The following CNTNAP5 variants were observed in gnomAD, a reference collection of about 807,000 sequenced individuals.
CNTNAP5 encodes contactin-associated protein-like 5.
In CNTNAP5, 72 loss-of-function variants were observed where a neutral mutation model predicts 150.2. That is an observed-to-expected ratio of 0.48 (90% CI 0.40 to 0.58). CNTNAP5 has a LOEUF of 0.58. Among genes scored for constraint, CNTNAP5 ranks in the 20% least tolerant of loss-of-function variants. The pLI is 0.00. For missense variants in CNTNAP5, 1,636 were observed against 1,626.2 expected (o/e 1.01, Z -0.10); for synonymous variants, 672 against 619.8 (o/e 1.08, Z -1.25).
chr2:124,446,850 G>C lies in CNTNAP5; in HGVS notation c.831G>C (p.Val277=). Residue 277 remains valine (V), a synonymous_variant, in exon 6 of 24, where the codon GTG becomes GTC. Transcript: ENST00000682447. ...QHWHSVLIER[V]GKQVNFTVDK... Reference sequence around the variant, plus strand: ...GGCACTCGGTCCTCATTGAGCGGGTGGGCAAGCAGGTGAACTTCACGGTGG... The same window carrying C: ...GGCACTCGGTCCTCATTGAGCGGGTCGGCAAGCAGGTGAACTTCACGGTGG... The C allele has an allele frequency of 6.2e-7, 1 of 1,613,890 alleles. No homozygotes were observed. The highest frequency in any genetic ancestry group is 8.5e-7 in the Non-Finnish European group (1 of 1,179,854).
chr2:124,035,453 C>G (rs975849546), intron 1 of CNTNAP5, among the ~76,000 whole-genome samples: 8 of 151,976 alleles, frequency 5.3e-5, no homozygotes, highest in Non-Finnish European at 1.2e-4. Context: ...TTCCCTCACT[C>G]TTCCTGTTGC....
At chr2:124,105,302 T>C (rs961979153) in intron 1 of CNTNAP5, among the ~76,000 whole-genome samples, 1 of 152,206 alleles carries the variant, frequency 6.6e-6, no homozygotes, top group Non-Finnish European at 1.5e-5. Context: ...TTGCAGTAAA[T>C]AACTTTGCAT....
intron 8 of CNTNAP5, among the ~76,000 whole-genome samples, chr2:124,513,493 C>T (rs1478063752): frequency 6.6e-6 from 1 of 152,152 alleles, no homozygotes; most frequent in African/African-American, 2.4e-5. Context: ...AGAATGTAAG[C>T]AACCATGGAA....
In CNTNAP5 at chr2:124,719,298, T is replaced by C. The variant is rs34144885; in HGVS notation, c.2078-27931T>C. Among the ~76,000 whole-genome samples, 699 of 152,336 alleles carry C rather than the reference T, an allele frequency of 4.6e-3. 19 individuals are homozygous for C. Among genetic ancestry groups the C allele is most frequent in the Admixed American group, 0.033 (499 of 15,296 alleles). On this transcript the variant is annotated intron_variant, in intron 13 of 23. Coordinates refer to ENST00000682447, the MANE Select transcript of CNTNAP5 (RefSeq NM_001367498.1). ...CAGCAAATAATTCATGTTTAAGAAA[T>C]GTTTAATTCCTCATTGTCTCTTGTA...
chr2:124,638,864 A>G (rs758172138), intron 12 of CNTNAP5, among the ~76,000 whole-genome samples: 1 of 152,228 alleles, frequency 6.6e-6, no homozygotes, highest in South Asian at 2.1e-4. Flanking sequence ...TGTATTATTT[A>G]TTATGGCTGC....
At chr2:124,279,241 G>C (rs754028044) in intron 3 of CNTNAP5, among the ~76,000 whole-genome samples, 21 of 151,328 alleles carry the variant, frequency 1.4e-4, no homozygotes, top group Non-Finnish European at 2.8e-4. Flanking sequence ...GTGTGTGTGT[G>C]TGTGTGTCTG....
chr2:124,786,987 T>C (rs1454028333), intron 17 of CNTNAP5, among the ~76,000 whole-genome samples: 2 of 152,178 alleles, frequency 1.3e-5, no homozygotes, highest in East Asian at 3.9e-4. Flanking sequence ...GCATCTGTAA[T>C]TGAAATAATC....
intron 13 of CNTNAP5, among the ~76,000 whole-genome samples, chr2:124,663,156 T>C (rs1678627379): frequency 6.6e-6 from 1 of 152,180 alleles, no homozygotes; most frequent in Non-Finnish European, 1.5e-5. Flanking sequence ...TCTGTAACTG[T>C]AGGATTACAC....
intron 13 of CNTNAP5, among the ~76,000 whole-genome samples, chr2:124,722,639 G>A (rs1680071334): frequency 6.6e-6 from 1 of 152,140 alleles, no homozygotes; most frequent in Admixed American, 6.6e-5. Context: ...TTCCTGGGTG[G>A]TAGCCCCATC....
intron 1 of CNTNAP5, among the ~76,000 whole-genome samples, chr2:124,119,675 A>G (rs1461596740): frequency 6.6e-6 from 1 of 152,190 alleles, no homozygotes; most frequent in African/African-American, 2.4e-5. Flanking sequence ...TGAGAGACCT[A>G]GGAGGGATGA....
chr2:124,797,624 G>C (rs555221358), intron 18 of CNTNAP5, among the ~76,000 whole-genome samples: 60 of 152,296 alleles, frequency 3.9e-4, no homozygotes, highest in African/African-American at 1.3e-3. Flanking sequence ...GTCTTGCTCT[G>C]TATTTAGAGA....
intron 11 of CNTNAP5, among the ~76,000 whole-genome samples, chr2:124,573,832 TCAGC>T (rs948714529): frequency 6.6e-6 from 1 of 152,204 alleles, no homozygotes; most frequent in African/African-American, 2.4e-5. Context: ...TTAACTTCTT[TCAGC>T]CTTGGTTGTT....
At chr2:124,148,948 A>G (rs147111220) in intron 1 of CNTNAP5, among the ~76,000 whole-genome samples, 65 of 152,200 alleles carry the variant, frequency 4.3e-4, no homozygotes, top group African/African-American at 1.5e-3. Flanking sequence ...ACACATATAT[A>G]GGCACACACA....
intron 19 of CNTNAP5, among the ~76,000 whole-genome samples, chr2:124,843,220 G>T (rs980519352): frequency 6.6e-6 from 1 of 152,006 alleles, no homozygotes; most frequent in East Asian, 1.9e-4. Context: ...AGGCATTTAG[G>T]TTGCTGTAAA....
intron 12 of CNTNAP5, among the ~76,000 whole-genome samples, chr2:124,639,558 C>G (rs1452987920): frequency 6.6e-6 from 1 of 152,162 alleles, no homozygotes; most frequent in African/African-American, 2.4e-5. Flanking sequence ...AATCAGCTCA[C>G]TAGCTCATGA....
chr2:124,413,209 T>A (rs1292945213), intron 3 of CNTNAP5, among the ~76,000 whole-genome samples: 3,141 of 121,688 alleles, frequency 0.026, 40 homozygotes, highest in Middle Eastern at 0.044. Context: ...TAGAATGGCG[T>A]TCATTAAAAA....
intron 13 of CNTNAP5, among the ~76,000 whole-genome samples, chr2:124,675,731 A>T (rs1678925946): frequency 6.6e-6 from 1 of 152,150 alleles, no homozygotes; most frequent in Admixed American, 6.5e-5. Context: ...TTGTGCAGTT[A>T]GTTGTCTTAT....
chr2:124,789,878 G>C, intron 17 of CNTNAP5, 24 bp from the exon 18 acceptor site: 1 of 1,610,692 alleles, frequency 6.2e-7, no homozygotes, highest in Non-Finnish European at 8.5e-7. Flanking sequence ...CCTTACATTT[G>C]TTTCCTTTTA....
At position 124,206,901 on chromosome 2, in the gene CNTNAP5, C is replaced by A. The variant is rs116605253; in HGVS notation, c.83-14804C>A. Among the ~76,000 whole-genome samples the A allele has an allele frequency of 9.0e-3, 1,374 of 152,110 alleles. 21 individuals carry two copies. Among genetic ancestry groups the A allele is most frequent in the African/African-American group, 0.031 (1,290 of 41,500 alleles). On this transcript the variant is annotated intron_variant, in intron 1 of 23. Transcript: ENST00000682447. ...CCAGTTGTTTTGAAGGCACAGGTTG[C>A]AGGCAGAAAAAAAGCACTATACAGC...
Sources: allele counts gnomAD v4.1 joint callset (sites outside exome capture counted in the v4.1 genomes callset), GRCh38; gene constraint gnomAD v4.1.1; transcripts MANE v1.5; gene names NCBI Gene and HGNC (gene_info 2026-07-23, HGNC 2026-07-21).